Variants in ABCA8 observed in about 807,000 individuals in gnomAD.
ABCA8 encodes the protein ABC-type organic anion transporter ABCA8.
A neutral mutation model predicts 192.3 loss-of-function variants in ABCA8; 177 were observed. That is an observed-to-expected ratio of 0.92 (90% CI 0.81 to 1.04). The LOEUF (loss-of-function observed/expected upper bound fraction) is 1.04, where lower values mean the gene tolerates loss of function less well. Ranked by LOEUF, ABCA8 falls within the 50% of genes least tolerant of loss-of-function variation. The probability of loss-of-function intolerance (pLI) is 0.00; values close to 1 mark genes in which losing one functional copy is unlikely to be tolerated. For synonymous variants in ABCA8, 642 were observed against 690.2 expected (o/e 0.93, Z 1.09); for missense variants, 1,915 against 1,904.8 (o/e 1.01, Z -0.10).
Position 68,867,836 on chromosome 17 carries a change from A to G in ABCA8, c.*249T>C. ...GTAAAAGTAAATTTATTTATTCAGT[A>G]TTATACAGAACAATGGAACCAGTAT... On this transcript the variant is annotated 3_prime_UTR_variant, in exon 40 of 40. Coordinates refer to ENST00000586539, the MANE Select transcript of ABCA8 (RefSeq NM_001288985.2). The G allele has an allele frequency of 2.8e-6, 1 of 357,312 alleles. No homozygotes were observed. Among genetic ancestry groups the G allele is most frequent in the Non-Finnish European group, 5.0e-6 (1 of 199,056 alleles). The allele number at this position is 357,312 out of a possible 1,614,324, so 22.1% of individuals were successfully genotyped here.
At chr17:68,882,824 C>T (rs2066368240) in intron 29 of ABCA8, 105 bp from the exon 30 acceptor site, 6 of 1,002,812 alleles carry the variant, frequency 6.0e-6, no homozygotes, top group Non-Finnish European at 8.6e-6. Flanking sequence ...AATTAACAAA[C>T]CATCATAATC....
At chr17:68,887,568 A>G (rs1389381637) in intron 24 of ABCA8, 62 bp from the exon 25 acceptor site, 1 of 1,394,848 alleles carries the variant, frequency 7.2e-7, no homozygotes, top group Non-Finnish European at 9.8e-7. Context: ...TTATGCAAGG[A>G]ACTATTCAAA....
chr17:68,883,777 G>A lies in ABCA8; in HGVS notation c.3707+14C>T. The A allele has an allele frequency of 6.8e-7, 1 of 1,478,860 alleles. No homozygotes were observed. The highest frequency in any genetic ancestry group is 9.2e-7 in the Non-Finnish European group (1 of 1,082,362). 91.6% of individuals were successfully genotyped at this position (1,478,860 alleles called of 1,614,324 possible). On this transcript the variant is annotated intron_variant, in intron 29 of 39. Transcript: ENST00000586539. ...TTGATCAACAAAATAAAAATCTGAT[G>A]TGTTTTTTCCAACCTAAAGAAAGGA...
Position 68,894,932 on chromosome 17 carries a change from C to T in ABCA8, c.2846G>A (p.Gly949Asp). Reference sequence around the variant, plus strand: ...TCCATTATAAGATGGGTCATCTGTGCCATTTCTAGTTCCAAATGCATCCAC... The same window carrying T: ...TCCATTATAAGATGGGTCATCTGTGTCATTTCTAGTTCCAAATGCATCCAC... ...LEVDAFGTRNGTDDPSYNGAI... is the reference protein window; with the variant it reads ...LEVDAFGTRNDTDDPSYNGAI... The change falls in exon 22 of 40, where the codon GGC (glycine) becomes GAC (aspartate). Residue 949 changes from glycine to aspartate, a missense_variant. Gly to Asp is a moderately conservative substitution (Grantham distance 94). Transcript: ENST00000586539. 2 of 1,613,628 alleles carry T rather than the reference C, an allele frequency of 1.2e-6. No homozygotes were observed. Among genetic ancestry groups the T allele is most frequent in the Middle Eastern group, 1.7e-4 (1 of 6,052 alleles).
At chr17:68,919,084 G>A (rs2067466812) in intron 14 of ABCA8, among the ~76,000 whole-genome samples, 1 of 152,108 alleles carries the variant, frequency 6.6e-6, no homozygotes, top group Admixed American at 6.6e-5. Context: ...ATCTCATAGG[G>A]TTGCTATGAG....
rs2066365711 is a variant in ABCA8, at chr17:68,882,698, A to T, written c.3729T>A (p.Asp1243Glu). 6.2e-7 allele frequency: 1 copy of T among 1,612,522 alleles called. No homozygotes were observed. The change falls in exon 30 of 40, where the codon GAT becomes GAA. Residue 1243 changes from aspartate (D) to glutamate (E), a missense_variant. By Grantham distance (45) the Asp-to-Glu change is conservative (BLOSUM62 2). Coordinates refer to ENST00000586539, the MANE Select transcript of ABCA8 (RefSeq NM_001288985.2). ...CTGGTTCTTCTGGATTTTGACACACATCACTACTTCTTGGAGAAATTCTAG... is the reference window on the plus strand; with the variant it reads ...CTGGTTCTTCTGGATTTTGACACACTTCACTACTTCTTGGAGAAATTCTAG... ...PFFRISPRSSDVCQNPEEPEG... is the reference protein window; with the variant it reads ...PFFRISPRSSEVCQNPEEPEG...
chr17:68,919,535 G>C, intron 13 of ABCA8, 59 bp from the exon 14 acceptor site: 1 of 1,436,084 alleles, frequency 7.0e-7, no homozygotes, highest in Non-Finnish European at 9.6e-7. Flanking sequence ...TAATAAAATC[G>C]CTGTTAATTA....
chr17:68,927,253 G>C (rs772643421), intron 10 of ABCA8, among the ~76,000 whole-genome samples: 2 of 151,888 alleles, frequency 1.3e-5, no homozygotes, highest in Non-Finnish European at 2.9e-5. Context: ...GTGAGAGTCT[G>C]TCTCAAAAAG....
intron 24 of ABCA8, among the ~76,000 whole-genome samples, chr17:68,887,906 A>ATATATATATATATATATC (rs370830810): frequency 1.6e-5 from 1 of 60,884 alleles, no homozygotes; most frequent in African/African-American, 9.5e-5. Flanking sequence ...ATATATATAT[A>ATATATATATATATATATC]TCCATATATA....
intron 17 of ABCA8, among the ~76,000 whole-genome samples, chr17:68,910,868 A>T (rs2067213949): frequency 6.6e-6 from 1 of 152,080 alleles, no homozygotes; most frequent in Non-Finnish European, 1.5e-5. Context: ...GAAGAAAAAG[A>T]CCCAGTTCTG....
chr17:68,955,376 T>C lies in ABCA8; in HGVS notation c.-324A>G, dbSNP rs2068685836. The C allele has an allele frequency of 6.6e-6, 1 of 152,192 alleles. No individual in the cohort carries two copies. The highest frequency in any genetic ancestry group is 1.5e-5 in the Non-Finnish European group (1 of 68,026). 9.4% of individuals were successfully genotyped at this position (152,192 alleles called of 1,614,324 possible). ...GTGAAAAGTTTCTGTGAAGACTGCT[T>C]TCAGAGTGGAGGTTATGATCTCAAT... On this transcript the variant is annotated 5_prime_UTR_variant, in exon 1 of 40. Transcript: ENST00000586539.
chr17:68,943,324 T>C lies in ABCA8; in HGVS notation c.-5-1285A>G, dbSNP rs1019726026. On this transcript the variant is annotated intron_variant, in intron 2 of 39. Coordinates refer to ENST00000586539, the MANE Select transcript of ABCA8 (RefSeq NM_001288985.2). ...TATTATGCAGAGTCATCAGGAAAAATACACACACGTATTTCCATATATATG... is the reference window on the plus strand; with the variant it reads ...TATTATGCAGAGTCATCAGGAAAAACACACACACGTATTTCCATATATATG... Among the ~76,000 whole-genome samples, 3 of 152,150 alleles carry C rather than the reference T, an allele frequency of 2.0e-5. No homozygotes were observed. In the South Asian group the frequency reaches 6.2e-4, roughly 32 times the overall value.
chr17:68,884,356 A>G lies in ABCA8; in HGVS notation c.3590T>C (p.Val1197Ala), dbSNP rs1026476220. Residue 1197 changes from valine to alanine, a missense_variant, in exon 28 of 40, where the codon GTA becomes GCA. Coordinates refer to ENST00000586539, the MANE Select transcript of ABCA8 (RefSeq NM_001288985.2). The stretch of plus-strand genomic sequence containing the variant: ...AATTAGGAATACCAGAAATGGCTGT[A>G]CATCCATTCGTTCTTCAGAAAAGAG... The part of the protein sequence containing the change: ...SSLFSEERMD[V>A]QPFLVFLIPF... 1 of 1,592,134 alleles carries G rather than the reference A, an allele frequency of 6.3e-7. No individual in the cohort carries two copies. The highest frequency in any genetic ancestry group is 8.5e-7 in the Non-Finnish European group (1 of 1,172,878).
chr17:68,947,599 T>C (rs1039308468), intron 2 of ABCA8, among the ~76,000 whole-genome samples: 1 of 152,210 alleles, frequency 6.6e-6, no homozygotes, highest in Non-Finnish European at 1.5e-5. Flanking sequence ...ATGGGCTAAA[T>C]TATCATTGCT....
At chr17:68,952,119 A>G (rs1441186641) in intron 1 of ABCA8, among the ~76,000 whole-genome samples, 1 of 152,146 alleles carries the variant, frequency 6.6e-6, no homozygotes, top group African/African-American at 2.4e-5. Context: ...TTTTATGAAA[A>G]CTCAAAAGTA....
intron 2 of ABCA8, among the ~76,000 whole-genome samples, chr17:68,948,757 T>A (rs747274516): frequency 3.3e-5 from 5 of 152,248 alleles, no homozygotes; most frequent in Non-Finnish European, 7.3e-5. Context: ...GAGATCCCAT[T>A]TGTCAATTTT....
intron 17 of ABCA8, among the ~76,000 whole-genome samples, chr17:68,908,134 A>G (rs940117603): frequency 2.0e-5 from 3 of 152,210 alleles, no homozygotes; most frequent in African/African-American, 7.2e-5. Context: ...ACTCAGGAGT[A>G]GTGCCCAGAG....
intron 32 of ABCA8, chr17:68,878,334 T>A (rs1466544937): frequency 2.0e-5 from 3 of 152,192 alleles, no homozygotes; most frequent in Non-Finnish European, 4.4e-5. Flanking sequence ...GAGCAAGGAA[T>A]CTGGGGCAGA....
In ABCA8 at chr17:68,898,053, G is replaced by A. The variant is rs1256460211; in HGVS notation, c.2765-3040C>T. Reference sequence around the variant, plus strand: ...GAGATCCAAACCCAGACACATCAGAGTAAAAATGGTGAGGACAAAGGCAAA... The same window carrying A: ...GAGATCCAAACCCAGACACATCAGAATAAAAATGGTGAGGACAAAGGCAAA... On this transcript the variant is annotated intron_variant, in intron 21 of 39. Coordinates refer to ENST00000586539, the MANE Select transcript of ABCA8 (RefSeq NM_001288985.2). Among the ~76,000 whole-genome samples, 16 of 152,154 alleles carry A rather than the reference G, an allele frequency of 1.1e-4. No homozygotes were observed. The East Asian group carries it at 3.1e-3, about 29-fold the overall frequency.
Sources: allele counts gnomAD v4.1 joint callset (sites outside exome capture counted in the v4.1 genomes callset), GRCh38; gene constraint gnomAD v4.1.1; transcripts MANE v1.5; gene names NCBI Gene and HGNC (gene_info 2026-07-23, HGNC 2026-07-21).